Variants in L3MBTL1 observed in about 807,000 individuals in gnomAD.
The protein encoded by L3MBTL1 is lethal(3)malignant brain tumor-like protein 1.
Under a neutral mutation model 105.3 loss-of-function variants are expected in L3MBTL1, and 75 were observed. That is an observed-to-expected ratio of 0.71 (90% CI 0.59 to 0.86). The LOEUF is 0.86. L3MBTL1 is among the 40% of genes least tolerant of loss of function. The pLI is 0.00. For synonymous variants in L3MBTL1, 452 were observed against 436.2 expected, an observed-to-expected ratio of 1.04 and a Z score of -0.45; for missense variants, 1,069 against 1,126.4, an observed-to-expected ratio of 0.95 and a Z score of 0.73.
chr20:43,523,992 CAAAAAAAAAA>C (rs577732076), intron 7 of L3MBTL1, among the ~76,000 whole-genome samples: 1 of 83,096 alleles, frequency 1.2e-5, no homozygotes, highest in South Asian at 4.2e-4. Context: ...GACTCCATCT[CAAAAAAAAAA>C]AAAAAAAAGA....
intron 7 of L3MBTL1, among the ~76,000 whole-genome samples, chr20:43,528,252 TTC>T (rs1312493715): frequency 1.3e-5 from 2 of 152,204 alleles, no homozygotes; most frequent in African/African-American, 4.8e-5. Context: ...TCTCTCTCAT[TTC>T]TCTTTTTCCT....
At chr20:43,539,842 A>T in intron 19 of L3MBTL1, 1 of 468,482 alleles carries the variant, frequency 2.1e-6, no homozygotes, top group Non-Finnish European at 4.0e-6. Flanking sequence ...GTCTTTAGAG[A>T]TGCTGCAGCA....
chr20:43,548,121 G>A, exon 19 of L3MBTL1: 3 of 1,303,768 alleles, frequency 2.3e-6, no homozygotes, highest in Non-Finnish European at 3.0e-6. Context: ...ATGATTGACG[G>A]CGAGGCCTTC....
rs540774848 is a variant in L3MBTL1 at position 43,513,055 on chromosome 20, C to T, written c.-28-421C>T. 1.4e-4 allele frequency among the ~76,000 whole-genome samples: 21 copies of T among 152,232 alleles called. No homozygotes were observed. In the South Asian group the frequency reaches 4.2e-3, roughly 30 times the overall value. On this transcript the variant is annotated intron_variant, in intron 1 of 21. Coordinates refer to ENST00000418998, the MANE Select transcript of L3MBTL1 (RefSeq NM_001377303.1). The stretch of plus-strand genomic sequence containing the variant: ...CCTGGTACTTGAGGTCTCTGAATCC[C>T]CAGAGGGAGGAGGGAGTGATTCCAG...
intron 7 of L3MBTL1, among the ~76,000 whole-genome samples, chr20:43,520,097 C>T (rs1031683169): frequency 1.3e-5 from 2 of 152,142 alleles, no homozygotes; most frequent in African/African-American, 2.4e-5. Flanking sequence ...CTAAAGACCA[C>T]CAGCAGTCTG....
In L3MBTL1 at chr20:43,540,186, A is replaced by C; in HGVS notation, c.2209A>C (p.Met737Leu). ...TPDVVHQSLF[M>L]SALSAHPDRS... ...CGATGTCGTGCACCAGTCCCTCTTCATGTCAGCCCTGTCGGCCCACCCTGA... is the reference window on the plus strand; with the variant it reads ...CGATGTCGTGCACCAGTCCCTCTTCCTGTCAGCCCTGTCGGCCCACCCTGA... The change falls in exon 20 of 22, where the codon ATG becomes CTG. Residue 737 changes from methionine to leucine, a missense_variant. Coordinates refer to ENST00000418998, the MANE Select transcript of L3MBTL1 (RefSeq NM_001377303.1). 1 of 1,613,202 alleles carries C rather than the reference A, an allele frequency of 6.2e-7. No homozygotes were observed. The highest frequency in any genetic ancestry group is 1.6e-4 in the Middle Eastern group (1 of 6,062).
chr20:43,519,070 A>G (rs2018567494), intron 7 of L3MBTL1, among the ~76,000 whole-genome samples: 2 of 151,178 alleles, frequency 1.3e-5, no homozygotes, highest in Non-Finnish European at 3.0e-5. Flanking sequence ...AAGGCTAGGC[A>G]TGGTCCCTGT....
chr20:43,542,584 G>A (rs1178327454), downstream of L3MBTL1, among the ~76,000 whole-genome samples: 5 of 140,530 alleles, frequency 3.6e-5, no homozygotes, highest in East Asian at 8.2e-4. Flanking sequence ...ATTTCCTCTC[G>A]TGTTAAGTCA....
At chr20:43,547,347 G>A (rs972571772) in intron 18 of L3MBTL1, among the ~76,000 whole-genome samples, 27 of 151,810 alleles carry the variant, frequency 1.8e-4, no homozygotes, top group Non-Finnish European at 2.7e-4. Context: ...CTCATGATCC[G>A]CCCGCCTCTG....
rs190173382 is a variant in L3MBTL1 at position 43,534,297 on chromosome 20, G to A, written c.1613G>A (p.Ser538Asn). Residue 538 changes from serine to asparagine, a missense_variant, in exon 15 of 22, where the codon AGC (serine) becomes AAC (asparagine). Ser to Asn is a conservative substitution (Grantham distance 46). Coordinates refer to ENST00000418998, the MANE Select transcript of L3MBTL1 (RefSeq NM_001377303.1). ...TCCCCTCTGCAGCGACCCCCTCACA[G>A]CTTCCTGGTCAATATGAAGCTGGAG... ...TWAFKVRPPH[S>N]FLVNMKLEAV... 1.3e-5 allele frequency: 21 copies of A among 1,613,932 alleles called. No homozygotes were observed. Among genetic ancestry groups the A allele is most frequent in the South Asian group, 2.2e-5 (2 of 91,058 alleles).
chr20:43,528,942 A>T lies in L3MBTL1; in HGVS notation c.951+197A>T, dbSNP rs901236092. 7 of 610,086 alleles carry T rather than the reference A, an allele frequency of 1.1e-5. No individual in the cohort carries two copies. In the African/African-American group the frequency reaches 1.3e-4, roughly 11 times the overall value. The allele number at this position is 610,086 out of a possible 1,614,324, so 37.8% of individuals were successfully genotyped here. ...GCTGGCAGGGTGGGAAGAAACAGAG[A>T]GGTGGAAGCTAGGCTCACTCATCAC... On this transcript the variant is annotated intron_variant, in intron 8 of 21. Transcript: ENST00000418998.
At chr20:43,530,920 C>T in intron 11 of L3MBTL1, 31 bp downstream of exon 11, 1 of 1,576,280 alleles carries the variant, frequency 6.3e-7, no homozygotes, top group Non-Finnish European at 8.7e-7. Flanking sequence ...GTGGATGTCA[C>T]TCCCATGTGC....
intron 13 of L3MBTL1, 46 bp from the exon 14 acceptor site, chr20:43,533,962 G>A (rs557284966): frequency 2.4e-5 from 34 of 1,404,164 alleles, no homozygotes; most frequent in Non-Finnish European, 3.2e-5. Flanking sequence ...GAGGGCTTCC[G>A]CAGTACACCT....
At position 43,513,849 on chromosome 20, in the gene L3MBTL1, A is replaced by AC; in HGVS notation, c.151dup (p.Leu51ProfsTer41). 6.4e-7 allele frequency: 1 copy of AC among 1,550,484 alleles called. No homozygotes were observed. The highest frequency in any genetic ancestry group is 8.7e-7 in the Non-Finnish European group (1 of 1,146,962). On this transcript the variant is annotated frameshift_variant, in exon 3 of 22. Coordinates refer to ENST00000418998, the MANE Select transcript of L3MBTL1 (RefSeq NM_001377303.1). LOFTEE classifies it high-confidence loss of function. The stretch of plus-strand genomic sequence containing the variant: ...ATATCTGTTTACAGCCAGTTCGGCC[A>AC]CCCTCGGCCTGCCCAGCAGTGCCCT...
chr20:43,521,112 T>A (rs1182006767), intron 7 of L3MBTL1, among the ~76,000 whole-genome samples: 1 of 152,226 alleles, frequency 6.6e-6, no homozygotes, highest in Non-Finnish European at 1.5e-5. Flanking sequence ...GGCTCTTGGT[T>A]AAACTTTCAG....
rs1189803195 is a variant in L3MBTL1 at position 43,532,893 on chromosome 20, T to C, written c.1405T>C (p.Phe469Leu). ...DVVDSRFLVH[F>L]DNWDDTYDYW... The stretch of plus-strand genomic sequence containing the variant: ...GGTGGACAGCCGCTTCCTGGTGCAC[T>C]TTGACAACTGGGATGATACTTATGA... The change falls in exon 12 of 22, where the codon TTT (phenylalanine) becomes CTT (leucine). Residue 469 changes from phenylalanine to leucine, a missense_variant. Phe to Leu is a conservative substitution (Grantham distance 22). Coordinates refer to ENST00000418998, the MANE Select transcript of L3MBTL1 (RefSeq NM_001377303.1). 2 of 1,614,108 alleles carry C rather than the reference T, an allele frequency of 1.2e-6. No homozygotes were observed. The highest frequency in any genetic ancestry group is 1.7e-5 in the Admixed American group (1 of 60,002).
Position 43,530,525 on chromosome 20 carries a change from C to G in L3MBTL1, c.1192+106C>G, listed in dbSNP as rs2019278614. On this transcript the variant is annotated intron_variant, in intron 10 of 21. Coordinates refer to ENST00000418998, the MANE Select transcript of L3MBTL1 (RefSeq NM_001377303.1). ...AGCTCTTTTGTTTTCTGACCCTGTACCCTGTTCCAAAGCCAGCCTCTCTTC... is the reference window on the plus strand; with the variant it reads ...AGCTCTTTTGTTTTCTGACCCTGTAGCCTGTTCCAAAGCCAGCCTCTCTTC... 2.3e-6 allele frequency: 3 copies of G among 1,305,460 alleles called. No individual in the cohort carries two copies. In the East Asian group the frequency reaches 7.2e-5, roughly 31 times the overall value. The allele number at this position is 1,305,460 out of a possible 1,614,324, so 80.9% of individuals were successfully genotyped here.
At position 43,515,406 on chromosome 20, in the gene L3MBTL1, A is replaced by G. The variant is rs2018337568; in HGVS notation, c.768A>G (p.Pro256=). ...GCCCATCAGAGGAGGAGTCGGAGCC[A>G]GAGGCCATGGTAGGAAGAGGGCAGT... ...YQSPSEEESE[P]EAMEKQEEGK... The change falls in exon 6 of 22, where the codon CCA becomes CCG. Residue 256 remains proline (P), a synonymous_variant. Coordinates refer to ENST00000418998, the MANE Select transcript of L3MBTL1 (RefSeq NM_001377303.1). 5 of 1,556,834 alleles carry G rather than the reference A, an allele frequency of 3.2e-6. No homozygotes were observed.
chr20:43,515,251 C>T (rs2018326247), intron 5 of L3MBTL1, 41 bp from the exon 6 acceptor site: 1 of 1,612,256 alleles, frequency 6.2e-7, no homozygotes, highest in Admixed American at 1.7e-5. Context: ...CTGGGTGGTG[C>T]AGGGCGGGTG....
Sources: gnomAD v4.1 joint callset for allele counts (sites outside exome capture counted in the v4.1 genomes callset) on GRCh38, gnomAD v4.1.1 for gene constraint, MANE v1.5 for transcripts, NCBI Gene and HGNC (gene_info 2026-07-23, HGNC 2026-07-21) for gene names.